ALOX5: variants seen among roughly 807,000 people sequenced by gnomAD.
The protein encoded by ALOX5 is polyunsaturated fatty acid 5-lipoxygenase.
ALOX5 carries 64 observed loss-of-function variants against 87.9 expected under a neutral mutation model. The observed-to-expected ratio is 0.73, with a 90% CI of 0.60 to 0.90. The LOEUF is 0.90. ALOX5 is among the 40% of genes least tolerant of loss of function. ALOX5 has a pLI of 0.00. For missense variants in ALOX5, 822 were observed against 907.5 expected (o/e 0.91, Z 1.21); for synonymous variants, 388 against 355.1 (o/e 1.09, Z -1.04).
chr10:45,410,454 C>T (rs1841028945), intron 3 of ALOX5, among the ~76,000 whole-genome samples: 1 of 152,132 alleles, frequency 6.6e-6, no homozygotes, highest in South Asian at 2.1e-4. Context: ...TGTAAGGTGC[C>T]ACATAACAGA....
chr10:45,415,799 G>A (rs1222403562), intron 4 of ALOX5, among the ~76,000 whole-genome samples: 2 of 152,248 alleles, frequency 1.3e-5, no homozygotes, highest in Non-Finnish European at 2.9e-5. Flanking sequence ...CTTGCGCTTA[G>A]TACATCAGCA....
rs79186884 is a variant in ALOX5 at position 45,386,710 on chromosome 10, C to T, written c.349+4029C>T. 7.4e-3 allele frequency among the ~76,000 whole-genome samples: 1,124 copies of T among 152,152 alleles called. 11 individuals carry two copies. Among genetic ancestry groups the T allele is most frequent in the African/African-American group, 0.026 (1,063 of 41,510 alleles). On this transcript the variant is annotated intron_variant, in intron 2 of 13. Coordinates refer to ENST00000374391, the MANE Select transcript of ALOX5 (RefSeq NM_000698.5). ...GAAAAGTAAGTTTTAAAACACAATG[C>T]TTTACCACGAGAGCTAGAGAAACTA...
At chr10:45,441,478 C>A in intron 9 of ALOX5, 48 bp downstream of exon 9, 1 of 1,564,492 alleles carries the variant, frequency 6.4e-7, no homozygotes, top group Non-Finnish European at 8.8e-7. Flanking sequence ...CCCAGCCTGG[C>A]CGCCTTCACT....
chr10:45,409,796 C>T (rs1262387822), intron 3 of ALOX5, among the ~76,000 whole-genome samples: 1 of 152,232 alleles, frequency 6.6e-6, no homozygotes, highest in Non-Finnish European at 1.5e-5. Context: ...CTGTCAGGGT[C>T]TCTTAAGCAG....
intron 3 of ALOX5, among the ~76,000 whole-genome samples, chr10:45,409,567 CTT>C (rs1322852914): frequency 1.3e-5 from 2 of 149,528 alleles, no homozygotes; most frequent in African/African-American, 5.0e-5. Context: ...CTCTCTCTCT[CTT>C]TCTCTCTCTC....
Position 45,424,992 on chromosome 10 carries a change from A to T in ALOX5, c.694A>T (p.Met232Leu), listed in dbSNP as rs764413820. 1.9e-6 allele frequency: 3 copies of T among 1,614,072 alleles called. No homozygotes were observed. Among genetic ancestry groups the T allele is most frequent in the Non-Finnish European group, 2.5e-6 (3 of 1,180,030 alleles). ...RVMNHWQEDL[M>L]FGYQFLNGCN... ...CATGAATCACTGGCAGGAAGACCTG[A>T]TGTTTGGCTACCAGTTCCTGAATGG... The change falls in exon 6 of 14, where the codon ATG becomes TTG. Residue 232 changes from methionine to leucine, a missense_variant. By Grantham distance (15) the Met-to-Leu change is conservative. Coordinates refer to ENST00000374391, the MANE Select transcript of ALOX5 (RefSeq NM_000698.5).
intron 3 of ALOX5, among the ~76,000 whole-genome samples, chr10:45,406,607 A>G (rs11239515): frequency 0.12 from 18,717 of 152,150 alleles, 1,432 homozygotes; most frequent in Non-Finnish European, 0.16. Context: ...TAGCTACTCT[A>G]CATTTAGCAT....
chr10:45,397,788 A>G (rs184429574), intron 3 of ALOX5, among the ~76,000 whole-genome samples: 1 of 152,386 alleles, frequency 6.6e-6, no homozygotes, highest in Non-Finnish European at 1.5e-5. Flanking sequence ...TTAACAAAGT[A>G]GTCTGAGACT....
At position 45,407,235 on chromosome 10, in the gene ALOX5, T is replaced by TTTGA. The variant is rs200682769; in HGVS notation, c.432-4953_432-4952insATTG. Among the ~76,000 whole-genome samples, 1,023 of 152,254 alleles carry TTTGA rather than the reference T, an allele frequency of 6.7e-3. 12 individuals are homozygous for TTTGA. Among genetic ancestry groups the TTTGA allele is most frequent in the African/African-American group, 0.022 (927 of 41,530 alleles). ...TGACAGAGGAGAAATCTAATGATAG[T>TTTGA]TTGTTTCTTTTCCTAGAGTTTCTAT... is the stretch of plus-strand genomic sequence containing the variant. On this transcript the variant is annotated intron_variant, in intron 3 of 13. Coordinates refer to ENST00000374391, the MANE Select transcript of ALOX5 (RefSeq NM_000698.5).
intron 7 of ALOX5, among the ~76,000 whole-genome samples, chr10:45,432,847 A>G (rs1244640045): frequency 1.3e-5 from 2 of 152,248 alleles, no homozygotes; most frequent in Non-Finnish European, 2.9e-5. Context: ...TGAGTGATAA[A>G]CCATAAACAA....
At position 45,374,332 on chromosome 10, in the gene ALOX5, C is replaced by T; in HGVS notation, c.53C>T (p.Thr18Ile). ...VATGSQWFAG[T>I]DDYIYLSLVG... ...ACTGGCAGCCAGTGGTTCGCCGGCA[C>T]TGACGACTACATCTACCTCAGCCTC... The change falls in exon 1 of 14, where the codon ACT becomes ATT. Residue 18 changes from threonine (T) to isoleucine (I), a missense_variant. Thr to Ile is a moderately conservative substitution (Grantham distance 89). Transcript: ENST00000374391. The T allele has an allele frequency of 6.5e-7, 1 of 1,530,674 alleles. No individual in the cohort carries two copies. The highest frequency in any genetic ancestry group is 2.7e-5 in the East Asian group (1 of 37,114). 94.8% of individuals were successfully genotyped at this position (1,530,674 alleles called of 1,614,324 possible). A position where few individuals can be genotyped will look rare whatever the true frequency, so the allele number is the denominator to read the frequency against.
At chr10:45,380,236 G>A (rs886556181) in intron 1 of ALOX5, among the ~76,000 whole-genome samples, 5 of 152,212 alleles carry the variant, frequency 3.3e-5, no homozygotes, top group East Asian at 1.9e-4. Context: ...GGGCATTGTC[G>A]TGGGGCCGAG....
intron 3 of ALOX5, among the ~76,000 whole-genome samples, chr10:45,402,409 C>T (rs10128306): frequency 0.022 from 3,420 of 152,196 alleles, 124 homozygotes; most frequent in African/African-American, 0.078. Context: ...ACTGGGTCTG[C>T]TACGGAGGGC....
At chr10:45,428,467 C>G (rs1490961435) in intron 6 of ALOX5, 151 bp from the exon 7 acceptor site, 1 of 975,368 alleles carries the variant, frequency 1.0e-6, no homozygotes, top group Non-Finnish European at 1.5e-6. Context: ...ATCAATCAGC[C>G]TTGGAGTCAG....
intron 2 of ALOX5, among the ~76,000 whole-genome samples, chr10:45,385,035 A>G (rs1839965252): frequency 6.6e-6 from 1 of 151,974 alleles, no homozygotes; most frequent in Non-Finnish European, 1.5e-5. Flanking sequence ...TTACTAGAGA[A>G]AGGGTTTTGC....
In ALOX5 at chr10:45,443,148, G is replaced by A. The variant is rs1452038365; in HGVS notation, c.1383G>A (p.Glu461=). ...AGGCCATCAAGGCCCGGGGCATGGAGAGCAAAGAAGACATCCCCTACTACT... is the reference window on the plus strand; with the variant it reads ...AGGCCATCAAGGCCCGGGGCATGGAAAGCAAAGAAGACATCCCCTACTACT... ...FPEAIKARGM[E]SKEDIPYYFY... is the part of the protein sequence containing the mutation. Residue 461 remains glutamate, a synonymous_variant, in exon 10 of 14, where the codon GAG becomes GAA. Coordinates refer to ENST00000374391, the MANE Select transcript of ALOX5 (RefSeq NM_000698.5). 4 of 1,613,764 alleles carry A rather than the reference G, an allele frequency of 2.5e-6. No individual in the cohort carries two copies. The highest frequency in any genetic ancestry group is 3.4e-6 in the Non-Finnish European group (4 of 1,180,008).
intron 3 of ALOX5, among the ~76,000 whole-genome samples, chr10:45,407,905 T>G (rs182070650): frequency 6.6e-6 from 1 of 152,322 alleles, no homozygotes; most frequent in East Asian, 1.9e-4. Flanking sequence ...GCCATCTTAT[T>G]TAGGAACCAA....
Position 45,382,473 on chromosome 10 carries a change from T to TC in ALOX5, c.151-8dup, listed in dbSNP as rs1839866961. The TC allele has an allele frequency of 6.2e-7, 1 of 1,614,186 alleles. No homozygotes were observed. The highest frequency in any genetic ancestry group is 2.2e-5 in the East Asian group (1 of 44,886). On this transcript the variant is annotated splice_polypyrimidine_tract_variant and intron_variant, in intron 1 of 13. Coordinates refer to ENST00000374391, the MANE Select transcript of ALOX5 (RefSeq NM_000698.5). Reference sequence around the variant, plus strand: ...CCACGCATGGCCTGATTGCCTGTTCTCCTTCCCAGGTGGATTCATACGACG... The same window carrying TC: ...CCACGCATGGCCTGATTGCCTGTTCTCCCTTCCCAGGTGGATTCATACGACG...
At chr10:45,437,344 C>T (rs1489848341) in intron 7 of ALOX5, among the ~76,000 whole-genome samples, 4 of 152,138 alleles carry the variant, frequency 2.6e-5, no homozygotes, top group East Asian at 1.9e-4. Context: ...TAGTGAGACT[C>T]CGTCTCAAAT....
Sources: allele counts gnomAD v4.1 joint callset (sites outside exome capture counted in the v4.1 genomes callset), GRCh38; gene constraint gnomAD v4.1.1; transcripts MANE v1.5; gene names NCBI Gene and HGNC (gene_info 2026-07-23, HGNC 2026-07-21).